The following MYO5B variants were observed in gnomAD, a reference collection of about 807,000 sequenced individuals.
The protein encoded by MYO5B is myosin VB.
Under a neutral mutation model 229.3 loss-of-function variants are expected in MYO5B, and 143 were observed. The observed-to-expected ratio is 0.62, with a 90% CI of 0.54 to 0.72. The LOEUF (loss-of-function observed/expected upper bound fraction) is 0.72, where lower values mean the gene tolerates loss of function less well. MYO5B is among the 30% of genes least tolerant of loss of function. MYO5B has a pLI of 0.00. For synonymous variants in MYO5B, 918 were observed against 885.2 expected, an observed-to-expected ratio of 1.04 and a Z score of -0.66; for missense variants, 2,321 against 2,331.0, an observed-to-expected ratio of 1.00 and a Z score of 0.09.
intron 17 of MYO5B, among the ~76,000 whole-genome samples, chr18:49,924,315 T>C (rs1371903178): frequency 6.6e-6 from 1 of 152,210 alleles, no homozygotes; most frequent in African/African-American, 2.4e-5. Flanking sequence ...GGCTGAGAAC[T>C]CTAGATACAT....
Position 49,828,552 on chromosome 18 carries a change from G to C in MYO5B, c.5395-1929C>G, listed in dbSNP as rs548782399. ...ATAGAAGATCAATAAGAAAATAGAG[G>C]CCATGAACAACACTATAAACCAATT... On this transcript the variant is annotated intron_variant, in intron 39 of 39. Transcript: ENST00000285039. 4.6e-5 allele frequency among the ~76,000 whole-genome samples: 7 copies of C among 152,126 alleles called. No individual in the cohort carries two copies. In the Middle Eastern group the frequency reaches 0.014, roughly 296 times the overall value.
At chr18:50,019,195 T>C (rs1349187877) in intron 4 of MYO5B, among the ~76,000 whole-genome samples, 1 of 152,228 alleles carries the variant, frequency 6.6e-6, no homozygotes, top group Non-Finnish European at 1.5e-5. Context: ...ATCACGTAGC[T>C]AGTAGAGAAA....
At chr18:50,018,305 T>TGATGATACA (rs1180901460) in intron 4 of MYO5B, among the ~76,000 whole-genome samples, 1 of 150,030 alleles carries the variant, frequency 6.7e-6, no homozygotes, top group Non-Finnish European at 1.5e-5. Context: ...TTTTTTTGCT[T>TGATGATACA]GATGATACAG....
intron 15 of MYO5B, among the ~76,000 whole-genome samples, chr18:49,936,649 T>C (rs969364383): frequency 3.0e-4 from 45 of 152,114 alleles, no homozygotes; most frequent in African/African-American, 1.0e-3. Flanking sequence ...GCAAATACTG[T>C]AGGAGAGATT....
chr18:50,099,533 C>G (rs2031615047), intron 1 of MYO5B, among the ~76,000 whole-genome samples: 1 of 152,182 alleles, frequency 6.6e-6, no homozygotes, highest in Non-Finnish European at 1.5e-5. Context: ...AGTCAGCCAG[C>G]CTTGTAAGTA....
At chr18:50,113,948 T>C (rs1206415783) in intron 1 of MYO5B, among the ~76,000 whole-genome samples, 1 of 152,258 alleles carries the variant, frequency 6.6e-6, no homozygotes. Flanking sequence ...AGTTAAGTTC[T>C]TAGACTGAAC....
At chr18:49,956,630 A>G (rs570820963) in intron 12 of MYO5B, among the ~76,000 whole-genome samples, 68 of 152,168 alleles carry the variant, frequency 4.5e-4, no homozygotes, top group African/African-American at 1.6e-3. Context: ...CGGTAGCTCC[A>G]TAATATGCAG....
At chr18:50,064,354 A>G (rs1204955603) in intron 1 of MYO5B, 1 of 152,250 alleles carries the variant, frequency 6.6e-6, no homozygotes, top group Non-Finnish European at 1.5e-5. Context: ...AAAAGCTAAA[A>G]AAGATTTCCT....
intron 29 of MYO5B, among the ~76,000 whole-genome samples, chr18:49,862,510 C>T (rs538902192): frequency 4.6e-5 from 7 of 152,308 alleles, no homozygotes; most frequent in South Asian, 4.1e-4. Flanking sequence ...AACTGAGGCA[C>T]CTATCGGTCA....
chr18:49,853,366 G>A (rs2024223873), intron 31 of MYO5B, 83 bp downstream of exon 31: 1 of 1,436,158 alleles, frequency 7.0e-7, no homozygotes, highest in African/African-American at 1.4e-5. Flanking sequence ...AACCTTGTCA[G>A]TTTTGCCAAA....
chr18:50,142,814 C>T (rs538508806), intron 1 of MYO5B, among the ~76,000 whole-genome samples: 1 of 152,268 alleles, frequency 6.6e-6, no homozygotes, highest in Admixed American at 6.5e-5. Context: ...AGGTTTGCCT[C>T]GATTTGCAAA....
rs988885964 is a variant in MYO5B at position 50,194,798 on chromosome 18, C to T, written c.-5G>A. On this transcript the variant is annotated 5_prime_UTR_variant, in exon 1 of 40. Transcript: ENST00000285039. ...GTAGAGCTCGCCCACCGACATGGCC[C>T]GGGCCGGGCGGGGCTCGGGCCCCGG... 3.7e-6 allele frequency: 5 copies of T among 1,367,530 alleles called. No individual in the cohort carries two copies. The highest frequency in any genetic ancestry group is 3.5e-5 in the South Asian group (2 of 57,912). 84.7% of individuals were successfully genotyped at this position (1,367,530 alleles called of 1,614,324 possible).
intron 17 of MYO5B, among the ~76,000 whole-genome samples, chr18:49,929,173 G>C (rs965302429): frequency 1.3e-5 from 2 of 152,174 alleles, no homozygotes; most frequent in African/African-American, 4.8e-5. Flanking sequence ...CTGTTAGAAA[G>C]GGTGGGGGAA....
chr18:49,854,908 G>C (rs1308344937), intron 30 of MYO5B, among the ~76,000 whole-genome samples: 1 of 151,998 alleles, frequency 6.6e-6, no homozygotes, highest in Non-Finnish European at 1.5e-5. Flanking sequence ...AGCAGCACTG[G>C]GTGTAACACC....
intron 1 of MYO5B, among the ~76,000 whole-genome samples, chr18:50,188,484 G>A (rs2033179725): frequency 6.6e-6 from 1 of 152,128 alleles, no homozygotes; most frequent in South Asian, 2.1e-4. Context: ...AAAAACATCT[G>A]GTATGGCCTC....
intron 32 of MYO5B, among the ~76,000 whole-genome samples, chr18:49,848,950 C>T (rs927633004): frequency 1.1e-4 from 17 of 151,860 alleles, no homozygotes; most frequent in African/African-American, 2.2e-4. Context: ...CTGTCTAAGA[C>T]GAGACTCAAG....
chr18:49,949,020 C>T (rs2025404366), intron 14 of MYO5B, among the ~76,000 whole-genome samples: 1 of 152,172 alleles, frequency 6.6e-6, no homozygotes, highest in Non-Finnish European at 1.5e-5. Flanking sequence ...GGTTCATGAA[C>T]TCAGGGTAAG....
chr18:50,037,679 CG>C (rs1400876007), intron 3 of MYO5B, among the ~76,000 whole-genome samples: 1 of 152,142 alleles, frequency 6.6e-6, no homozygotes, highest in African/African-American at 2.4e-5. Context: ...GCAGGAGAAT[CG>C]CTTAAGGCCA....
Position 49,974,374 on chromosome 18 carries a change from AAGG to A in MYO5B, c.1295_1297del (p.Ser432del). On this transcript the variant is annotated inframe_deletion, in exon 10 of 40. Transcript: ENST00000285039. Reference sequence around the variant, plus strand: ...CCCATAGATGTCCAGGACCCCGATGAAGGAGTGCTGCTTGAGGGAGGTGTGCAG... The same window carrying A: ...CCCATAGATGTCCAGGACCCCGATGAAGTGCTGCTTGAGGGAGGTGTGCAG... The A allele has an allele frequency of 6.2e-7, 1 of 1,614,212 alleles. No individual in the cohort carries two copies. The highest frequency in any genetic ancestry group is 1.7e-5 in the Admixed American group (1 of 60,026).
Sources: gnomAD v4.1 joint callset for allele counts (sites outside exome capture counted in the v4.1 genomes callset) on GRCh38, gnomAD v4.1.1 for gene constraint, MANE v1.5 for transcripts, NCBI Gene and HGNC (gene_info 2026-07-23, HGNC 2026-07-21) for gene names.